The following TXNDC12 variants were observed in gnomAD, a reference collection of about 807,000 sequenced individuals.
TXNDC12 encodes thioredoxin domain containing 12, also known as thioredoxin domain-containing protein 12.
A neutral mutation model predicts 24.2 loss-of-function variants in TXNDC12; 22 were observed. The ratio of observed to expected loss-of-function variants is 0.91; its 90% confidence interval spans 0.65 to 1.30. The LOEUF (loss-of-function observed/expected upper bound fraction) is 1.30. TXNDC12 is among the 50% of genes most tolerant of loss of function. The pLI is 0.00. For synonymous variants in TXNDC12, 58 were observed against 73.4 expected, an observed-to-expected ratio of 0.79 and a Z score of 1.07; for missense variants, 184 against 205.8, an observed-to-expected ratio of 0.89 and a Z score of 0.65.
intron 1 of TXNDC12, among the ~76,000 whole-genome samples, chr1:52,049,785 G>A (rs1040020820): frequency 1.3e-5 from 2 of 151,412 alleles, no homozygotes; most frequent in East Asian, 1.9e-4. Context: ...CAATCTGCCC[G>A]CCTTGGCCTC....
rs1490933201 is a variant in TXNDC12, at chr1:52,032,577, TCA to T, written c.159-3949_159-3948del. ...ATGCAGGAAAGTTTGAGTGAATCAG[TCA>T]CAACAGCTCTAGTACAGTACTGCAT... On this transcript the variant is annotated intron_variant, in intron 2 of 6. Transcript: ENST00000371626. 9 of 1,429,752 alleles carry T rather than the reference TCA, an allele frequency of 6.3e-6. No homozygotes were observed. In the African/African-American group the frequency reaches 1.3e-4, roughly 20 times the overall value. The allele number at this position is 1,429,752 out of a possible 1,614,324, so 88.6% of individuals were successfully genotyped here.
intron 2 of TXNDC12, chr1:52,033,293 T>C: frequency 6.2e-7 from 1 of 1,613,934 alleles, no homozygotes; most frequent in Non-Finnish European, 8.5e-7. Context: ...GAGTCCGCAG[T>C]ATGCAGTTCC....
At chr1:52,042,232 T>C (rs1686006504) in intron 1 of TXNDC12, among the ~76,000 whole-genome samples, 1 of 152,158 alleles carries the variant, frequency 6.6e-6, no homozygotes. Flanking sequence ...CTCTTGAACA[T>C]GTTTTGTAGA....
At chr1:52,046,950 T>C (rs1686107548) in intron 1 of TXNDC12, among the ~76,000 whole-genome samples, 1 of 150,158 alleles carries the variant, frequency 6.7e-6, no homozygotes, top group South Asian at 2.1e-4. Context: ...AGCTGAAGCA[T>C]GAGAATTGCT....
At chr1:52,027,771 ATTATATG>A (rs978545192) in intron 3 of TXNDC12, among the ~76,000 whole-genome samples, 22 of 149,036 alleles carry the variant, frequency 1.5e-4, no homozygotes, top group African/African-American at 4.2e-4. Flanking sequence ...ATACGTATAT[ATTATATG>A]TTATATATGT....
chr1:52,033,633 T>C, intron 2 of TXNDC12: 1 of 1,612,082 alleles, frequency 6.2e-7, no homozygotes, highest in South Asian at 1.1e-5. Flanking sequence ...CTGGGTCCTC[T>C]GCGCCCAGGA....
At chr1:52,038,895 C>T (rs1006621096) in intron 2 of TXNDC12, among the ~76,000 whole-genome samples, 9 of 109,546 alleles carry the variant, frequency 8.2e-5, no homozygotes, top group African/African-American at 1.3e-4. Flanking sequence ...TTTTTTTTTT[C>T]TTTTTCTGTT....
chr1:52,033,379 C>T, intron 2 of TXNDC12: 1 of 1,613,644 alleles, frequency 6.2e-7, no homozygotes, highest in African/African-American at 1.3e-5. Flanking sequence ...ACTGACGTTC[C>T]GGCCAGGGTT....
At chr1:52,034,545 T>C (rs531868912) in intron 2 of TXNDC12, among the ~76,000 whole-genome samples, 3 of 152,324 alleles carry the variant, frequency 2.0e-5, no homozygotes, top group African/African-American at 4.8e-5. Flanking sequence ...TGCATAGACA[T>C]ATTTAAAATT....
chr1:52,040,615 A>G (rs1685966923), intron 2 of TXNDC12, among the ~76,000 whole-genome samples: 1 of 152,184 alleles, frequency 6.6e-6, no homozygotes, highest in South Asian at 2.1e-4. Context: ...AAGTTTTTTG[A>G]TATTTCTAGG....
At chr1:52,043,800 G>A (rs1373553165) in intron 1 of TXNDC12, among the ~76,000 whole-genome samples, 1 of 152,098 alleles carries the variant, frequency 6.6e-6, no homozygotes, top group Non-Finnish European at 1.5e-5. Context: ...GTGCCATTCT[G>A]GTTTACTACA....
At chr1:52,022,635 G>GTTTTTTTTTT (rs1188645759) in intron 6 of TXNDC12, among the ~76,000 whole-genome samples, 27 of 118,582 alleles carry the variant, frequency 2.3e-4, no homozygotes, top group East Asian at 5.1e-4. Flanking sequence ...GGTTTTTTTG[G>GTTTTTTTTTT]TTTTTTTTTT....
At chr1:52,043,272 T>C (rs1686029405) in intron 1 of TXNDC12, among the ~76,000 whole-genome samples, 1 of 152,254 alleles carries the variant, frequency 6.6e-6, no homozygotes, top group East Asian at 1.9e-4. Context: ...CTTGTAAATG[T>C]TTATGTGTCC....
chr1:52,028,387 C>T (rs912179633), intron 3 of TXNDC12, among the ~76,000 whole-genome samples, 191 bp downstream of exon 3: 2 of 152,178 alleles, frequency 1.3e-5, no homozygotes, highest in Admixed American at 1.3e-4. Context: ...TCTTAATCAC[C>T]TTAACTTCCC....
chr1:52,027,279 A>G lies in TXNDC12; in HGVS notation c.281T>C (p.Leu94Pro). The change falls in exon 4 of 7, where the codon CTT becomes CCT. Residue 94 changes from leucine (L) to proline (P), a missense_variant. Leu to Pro is a moderately conservative substitution (Grantham distance 98, BLOSUM62 -3). Coordinates refer to ENST00000371626, the MANE Select transcript of TXNDC12 (RefSeq NM_015913.4). ...ELSHNFVMVN[L>P]EDEEEPKDED... is the part of the protein sequence containing the mutation. Reference sequence around the variant, plus strand: ...GAGAAACTCTCAAAGTCTTACCTCAAGATTTACCATAACAAAATTATGGGA... The same window carrying G: ...GAGAAACTCTCAAAGTCTTACCTCAGGATTTACCATAACAAAATTATGGGA... The G allele has an allele frequency of 1.2e-6, 2 of 1,611,002 alleles. No individual in the cohort carries two copies. The highest frequency in any genetic ancestry group is 1.7e-6 in the Non-Finnish European group (2 of 1,177,488).
At chr1:52,032,536 G>C (rs1260417254) in intron 2 of TXNDC12, 1 of 1,389,140 alleles carries the variant, frequency 7.2e-7, no homozygotes, top group African/African-American at 1.5e-5. Flanking sequence ...GTAAACCCAA[G>C]GCCTGGCACA....
intron 1 of TXNDC12, among the ~76,000 whole-genome samples, chr1:52,044,456 G>A (rs750960402): frequency 6.6e-6 from 1 of 152,136 alleles, no homozygotes; most frequent in African/African-American, 2.4e-5. Flanking sequence ...AGGCTTCCAG[G>A]ATAGCCAATG....
Position 52,022,886 on chromosome 1 carries a change from G to A in TXNDC12, c.439+605C>T, listed in dbSNP as rs1222795760. On this transcript the variant is annotated intron_variant, in intron 6 of 6. Coordinates refer to ENST00000371626, the MANE Select transcript of TXNDC12 (RefSeq NM_015913.4). ...AATCTCCTGACCTCATGATCCTCCC[G>A]CCTCGGCCTCCCAAAGTGCTGGGAT... 9.9e-5 allele frequency among the ~76,000 whole-genome samples: 15 copies of A among 152,066 alleles called. No individual in the cohort carries two copies. In the South Asian group the frequency reaches 1.0e-3, roughly 11 times the overall value.
chr1:52,024,443 C>T, intron 5 of TXNDC12, 67 bp downstream of exon 5: 5 of 1,254,968 alleles, frequency 4.0e-6, no homozygotes, highest in Middle Eastern at 1.9e-4. Flanking sequence ...TAGGTGAAGT[C>T]AGTGCCTTGA....
Sources: allele counts gnomAD v4.1 joint callset (sites outside exome capture counted in the v4.1 genomes callset), GRCh38; gene constraint gnomAD v4.1.1; transcripts MANE v1.5; gene names NCBI Gene and HGNC (gene_info 2026-07-23, HGNC 2026-07-21).